Variants in LEPR observed in about 807,000 individuals in gnomAD.
The protein encoded by LEPR is OB receptor.
In LEPR, 56 loss-of-function variants were observed where a neutral mutation model predicts 114.7. The observed-to-expected ratio is 0.49, with a 90% CI of 0.39 to 0.61. The LOEUF (loss-of-function observed/expected upper bound fraction) is 0.61. Ranked by LOEUF, LEPR falls within the 20% of genes least tolerant of loss-of-function variation. The pLI is 0.00. For synonymous variants in LEPR, 443 were observed against 461.4 expected (o/e 0.96, Z 0.51); for missense variants, 1,202 against 1,352.9 (o/e 0.89, Z 1.75).
chr1:65,634,133 A>G, intron 19 of LEPR: 1 of 985,336 alleles, frequency 1.0e-6, no homozygotes, highest in Non-Finnish European at 1.2e-6. Flanking sequence ...TGAATTCAGC[A>G]CACGAATTAT....
chr1:65,605,310 T>C (rs1656739865), intron 11 of LEPR, 73 bp downstream of exon 11: 1 of 1,587,000 alleles, frequency 6.3e-7, no homozygotes, highest in Non-Finnish European at 8.6e-7. Context: ...TTTAATGTTA[T>C]ATTTTGCCAT....
chr1:65,434,556 A>G (rs185071435), intron 2 of LEPR: 440 of 985,296 alleles, frequency 4.5e-4, no homozygotes, highest in Non-Finnish European at 5.0e-4. Context: ...TTCAACTCTA[A>G]TATACCTAAC....
intron 19 of LEPR, chr1:65,630,182 A>G (rs529260421): frequency 1.1e-5 from 3 of 264,548 alleles, no homozygotes; most frequent in African/African-American, 7.0e-5. Flanking sequence ...CTGTTTACTT[A>G]TAATTTCCTT....
rs1423637398 is a variant in LEPR, at chr1:65,444,131, C to T, written c.-21+18753C>T. ...CCTCCCCCGACCCCACCACAGTCCC[C>T]AGAGTGTGATATTCCCCTTCCTGTG... On this transcript the variant is annotated intron_variant, in intron 2 of 19. Transcript: ENST00000349533. 6.8e-5 allele frequency among the ~76,000 whole-genome samples: 2 copies of T among 29,274 alleles called. 1 individual carries two copies. Among genetic ancestry groups the T allele is most frequent in the Non-Finnish European group, 2.0e-4 (2 of 10,130 alleles). 19.2% of individuals were successfully genotyped at this position (29,274 alleles called of 152,430 possible).
rs1658826395 is a variant in LEPR at position 65,640,277 on chromosome 1, C to G, written c.*3262C>G. On this transcript the variant is annotated 3_prime_UTR_variant, in exon 20 of 20. Coordinates refer to ENST00000349533, the MANE Select transcript of LEPR (RefSeq NM_002303.6). ...CTGATGGATCAAGACATACTGCAACCACAAAGTTCCATCTCACTTAGATGT... is the reference window on the plus strand; with the variant it reads ...CTGATGGATCAAGACATACTGCAACGACAAAGTTCCATCTCACTTAGATGT... 1 of 152,138 alleles carries G rather than the reference C, an allele frequency of 6.6e-6. No individual in the cohort carries two copies. Among genetic ancestry groups the G allele is most frequent in the Non-Finnish European group, 1.5e-5 (1 of 68,016 alleles). The allele number at this position is 152,138 out of a possible 1,614,324, so 9.4% of individuals were successfully genotyped here.
chr1:65,627,012 C>T (rs965259102), intron 19 of LEPR, among the ~76,000 whole-genome samples: 2 of 152,056 alleles, frequency 1.3e-5, no homozygotes, highest in Admixed American at 1.3e-4. Flanking sequence ...GCAAATTTAC[C>T]ATCCACCCTA....
At chr1:65,551,579 G>A (rs1652364526) in intron 2 of LEPR, among the ~76,000 whole-genome samples, 1 of 151,986 alleles carries the variant, frequency 6.6e-6, no homozygotes, top group African/African-American at 2.4e-5. Flanking sequence ...TTTTTATTGT[G>A]TCTATTTGAT....
intron 5 of LEPR, among the ~76,000 whole-genome samples, chr1:65,589,465 T>A (rs1655539220): frequency 6.7e-6 from 1 of 150,116 alleles, no homozygotes; most frequent in African/African-American, 2.5e-5. Context: ...TCATGCTTTT[T>A]GTGTCATATA....
chr1:65,498,003 G>A (rs1054131049), intron 2 of LEPR, among the ~76,000 whole-genome samples: 14 of 152,130 alleles, frequency 9.2e-5, no homozygotes, highest in African/African-American at 2.2e-4. Context: ...ATCTTAGTGC[G>A]TTACTGTCCC....
Position 65,454,371 on chromosome 1 carries a change from G to C in LEPR, c.-21+28993G>C, listed in dbSNP as rs376388136. On this transcript the variant is annotated intron_variant, in intron 2 of 19. Transcript: ENST00000349533. ...GCTCGTTAGTTCATGCAGTTTCTTC[G>C]TAGTCTCGATGGTCTTTACATTTTG... is the stretch of plus-strand genomic sequence containing the variant. Among the ~76,000 whole-genome samples the C allele has an allele frequency of 3.4e-4, 52 of 152,030 alleles. No individual in the cohort carries two copies. In the East Asian group the frequency reaches 6.8e-3, roughly 20 times the overall value.
At chr1:65,605,716 C>T (rs952075055) in intron 11 of LEPR, among the ~76,000 whole-genome samples, 3 of 152,088 alleles carry the variant, frequency 2.0e-5, no homozygotes, top group African/African-American at 7.2e-5. Flanking sequence ...AAATAGACAA[C>T]AATGACATAC....
intron 2 of LEPR, among the ~76,000 whole-genome samples, chr1:65,472,647 C>CACACACACACACAT (rs1557611388): frequency 6.9e-6 from 1 of 144,534 alleles, no homozygotes; most frequent in African/African-American, 2.5e-5. Context: ...CACACACACA[C>CACACACACACACAT]ATATATTTCT....
chr1:65,548,486 G>A (rs534458313), intron 2 of LEPR, among the ~76,000 whole-genome samples: 1 of 152,190 alleles, frequency 6.6e-6, no homozygotes, highest in Non-Finnish European at 1.5e-5. Flanking sequence ...ATGAATCTGG[G>A]TGCTCCTGTA....
intron 2 of LEPR, chr1:65,427,840 T>C: frequency 2.7e-6 from 1 of 365,956 alleles, no homozygotes; most frequent in Non-Finnish European, 5.5e-6. Flanking sequence ...CGAGTCTCTC[T>C]GTGTTGCTCA....
chr1:65,587,673 C>A (rs923015475), intron 5 of LEPR, among the ~76,000 whole-genome samples: 10 of 151,946 alleles, frequency 6.6e-5, no homozygotes, highest in African/African-American at 2.4e-4. Context: ...ACACTAATAT[C>A]CCCTATACAG....
chr1:65,433,990 A>G (rs1422755440), intron 2 of LEPR: 9 of 985,238 alleles, frequency 9.1e-6, no homozygotes, highest in Admixed American at 6.1e-5. Context: ...TCTTTCTAAG[A>G]TGGCAATAAT....
At chr1:65,613,410 A>G (rs763807287) in intron 14 of LEPR, among the ~76,000 whole-genome samples, 98 of 152,296 alleles carry the variant, frequency 6.4e-4, no homozygotes, top group Non-Finnish European at 1.3e-3. Context: ...ATTTGCAAAA[A>G]CACACATCTG....
chr1:65,488,159 C>CCTTCCTTCCTTCCTTTCTTT, intron 2 of LEPR, among the ~76,000 whole-genome samples: 1 of 65,480 alleles, frequency 1.5e-5, no homozygotes, highest in African/African-American at 9.8e-5. Context: ...TTCCTTCCTT[C>CCTTCCTTCCTTCCTTTCTTT]CTTTCTTTCT....
chr1:65,507,694 A>G (rs1259014430), intron 2 of LEPR, among the ~76,000 whole-genome samples: 2 of 151,978 alleles, frequency 1.3e-5, no homozygotes, highest in Non-Finnish European at 2.9e-5. Context: ...ATTCTTTTGC[A>G]TATACCCAGA....
Sources: gnomAD v4.1 joint callset for allele counts (sites outside exome capture counted in the v4.1 genomes callset) on GRCh38, gnomAD v4.1.1 for gene constraint, MANE v1.5 for transcripts, NCBI Gene and HGNC (gene_info 2026-07-23, HGNC 2026-07-21) for gene names.